Variants in EPRS1 observed in about 807,000 individuals in gnomAD.
EPRS1 encodes the protein bifunctional glutamate/proline--tRNA ligase.
Under a neutral mutation model 188.3 loss-of-function variants are expected in EPRS1, and 107 were observed. The observed-to-expected ratio is 0.57, with a 90% confidence interval of 0.49 to 0.67. The LOEUF is 0.67. Ranked by LOEUF, EPRS1 falls within the 30% of genes least tolerant of loss-of-function variation. The pLI, the probability that EPRS1 is intolerant of heterozygous loss-of-function variation, is 0.00. For missense variants in EPRS1, 1,577 were observed against 1,802.2 expected, an observed-to-expected ratio of 0.88 and a Z score of 2.26; for synonymous variants, 596 against 593.1, an observed-to-expected ratio of 1.00 and a Z score of -0.07.
At position 219,978,552 on chromosome 1, in the gene EPRS1, C is replaced by T. The variant is rs148984960; in HGVS notation, c.4077G>A (p.Glu1359=). ...YSPGWKFNHW[E]LKGVPIRLEV... is the part of the protein sequence containing the mutation. ...ATAAAGCTTAGGAATTTACCTTGAGCTCCCAGTGATTGAATTTCCAACCTG... is the reference window on the plus strand; with the variant it reads ...ATAAAGCTTAGGAATTTACCTTGAGTTCCCAGTGATTGAATTTCCAACCTG... Residue 1359 remains glutamate, a synonymous_variant, in exon 28 of 32, where the codon GAG becomes GAA. Transcript: ENST00000366923. 248 of 1,567,664 alleles carry T rather than the reference C, an allele frequency of 1.6e-4. 1 individual carries two copies. The African/African-American group carries it at 3.3e-3, about 21-fold the overall frequency.
chr1:220,006,605 T>C (rs748774901), intron 14 of EPRS1, among the ~76,000 whole-genome samples: 23 of 152,136 alleles, frequency 1.5e-4, no homozygotes, highest in Admixed American at 5.2e-4. Flanking sequence ...TATATATTTA[T>C]TAACTTAAAG....
intron 28 of EPRS1, among the ~76,000 whole-genome samples, chr1:219,974,938 G>A (rs1660746990): frequency 6.6e-6 from 1 of 152,134 alleles, no homozygotes; most frequent in Non-Finnish European, 1.5e-5. Context: ...TCCTCAGCTG[G>A]AAGAGAGAAG....
At position 219,983,231 on chromosome 1, in the gene EPRS1, T is replaced by C. The variant is rs372621031; in HGVS notation, c.3258A>G (p.Ala1086=). The part of the protein sequence containing the change: ...CYFPMFVSQS[A]LEKEKTHVAD... ...CAACATGAGTCTTCTCTTTCTCTAA[T>C]GCACTTTGAGACACAAACATGGGGA... Residue 1086 remains alanine, a synonymous_variant, in exon 22 of 32, where the codon GCA becomes GCG. Transcript: ENST00000366923. 9.9e-6 allele frequency: 16 copies of C among 1,614,008 alleles called. No homozygotes were observed. The highest frequency in any genetic ancestry group is 1.7e-5 in the Admixed American group (1 of 60,008).
rs756730365 is a variant in EPRS1, at chr1:220,030,475, A to C, written c.534T>G (p.Pro178=). The change falls in exon 6 of 32, where the codon CCT becomes CCG. Residue 178 remains proline (P), a synonymous_variant. Coordinates refer to ENST00000366923, the MANE Select transcript of EPRS1 (RefSeq NM_004446.3). The part of the protein sequence containing the change: ...DVSTTKARVA[P]EKKQDVGKFV... ...ATTTCCCAACATCTTGCTTTTTCTC[A>C]GGTGCCTGAAAAACACAACCACCAT... is the stretch of plus-strand genomic sequence containing the variant. 5.4e-5 allele frequency: 87 copies of C among 1,613,370 alleles called. No individual in the cohort carries two copies. Among genetic ancestry groups the C allele is most frequent in the South Asian group, 1.4e-4 (13 of 91,056 alleles).
Position 220,046,468 on chromosome 1 carries a change from T to A in EPRS1, c.-80A>T, listed in dbSNP as rs1662405624. The A allele has an allele frequency of 1.9e-6, 3 of 1,577,904 alleles. No homozygotes were observed. Among genetic ancestry groups the A allele is most frequent in the Non-Finnish European group, 2.6e-6 (3 of 1,163,444 alleles). ...GGAGGACCCCGCGAAAGGAAGAAGA[T>A]GCAACGTGTGCGCGTACCCGACGCC... On this transcript the variant is annotated 5_prime_UTR_variant, in exon 1 of 32. Coordinates refer to ENST00000366923, the MANE Select transcript of EPRS1 (RefSeq NM_004446.3).
intron 16 of EPRS1, 90 bp from the exon 17 acceptor site, chr1:220,001,345 C>A: frequency 1.3e-6 from 1 of 778,010 alleles, no homozygotes; most frequent in Non-Finnish European, 2.3e-6. Context: ...AATTCAATGG[C>A]ACTAAGTTAA....
intron 12 of EPRS1, among the ~76,000 whole-genome samples, chr1:220,016,577 ATTTTTTTTTTT>A (rs57664248): frequency 1.4e-5 from 1 of 69,606 alleles, no homozygotes; most frequent in African/African-American, 5.6e-5. Flanking sequence ...GGCCTAGCTA[ATTTTTTTTTTT>A]TTTTTTTTTT....
intron 21 of EPRS1, among the ~76,000 whole-genome samples, chr1:219,983,893 CAAA>C (rs397863625): frequency 4.2e-5 from 5 of 118,218 alleles, no homozygotes; most frequent in Admixed American, 2.6e-4. Context: ...ACTCCCGTCT[CAAA>C]AAAAAAAAAA....
chr1:219,969,828 A>T (rs1052336235), intron 30 of EPRS1, among the ~76,000 whole-genome samples: 22 of 150,518 alleles, frequency 1.5e-4, no homozygotes, highest in East Asian at 5.8e-4. Flanking sequence ...TTAAAAAAAA[A>T]TTTTTTTTTT....
intron 16 of EPRS1, 59 bp from the exon 17 acceptor site, chr1:220,001,314 T>C: frequency 5.3e-6 from 5 of 942,646 alleles, no homozygotes; most frequent in Non-Finnish European, 8.7e-6. Context: ...TGAACAGCAA[T>C]AAACACTGAA....
intron 1 of EPRS1, 111 bp downstream of exon 1, chr1:220,046,232 C>T: frequency 7.5e-7 from 1 of 1,335,630 alleles, no homozygotes; most frequent in East Asian, 2.4e-5. Flanking sequence ...GCAGGTCCAA[C>T]ATCCCAGATG....
rs1661989530 is a variant in EPRS1 at position 220,027,101 on chromosome 1, C to A, written c.624-1843G>T. On this transcript the variant is annotated intron_variant, in intron 6 of 31. Coordinates refer to ENST00000366923, the MANE Select transcript of EPRS1 (RefSeq NM_004446.3). ...GGTCAGGAGTTCAACACCAGCCTGG[C>A]CAACATGGTGAAACCCCGTCTCTAC... is the stretch of plus-strand genomic sequence containing the variant. Among the ~76,000 whole-genome samples, 4 of 150,522 alleles carry A rather than the reference C, an allele frequency of 2.7e-5. No individual in the cohort carries two copies. The Admixed American group carries it at 2.7e-4, about 10-fold the overall frequency.
intron 12 of EPRS1, chr1:220,018,219 A>G (rs922088304): frequency 9.7e-6 from 12 of 1,239,948 alleles, no homozygotes; most frequent in Non-Finnish European, 1.3e-5. Flanking sequence ...GTTCCCCATA[A>G]TTCCAAGTTT....
chr1:219,983,888 C>T (rs1235981480), intron 21 of EPRS1, among the ~76,000 whole-genome samples: 3 of 106,784 alleles, frequency 2.8e-5, no homozygotes, highest in East Asian at 3.1e-4. Flanking sequence ...CTGATACTCC[C>T]GTCTCAAAAA....
chr1:219,973,946 T>G (rs975927556), intron 28 of EPRS1, among the ~76,000 whole-genome samples: 2 of 150,816 alleles, frequency 1.3e-5, no homozygotes, highest in Admixed American at 6.6e-5. Context: ...TGAGAATTTG[T>G]TTTTTTTTGT....
Position 220,019,873 on chromosome 1 carries a change from T to C in EPRS1, c.1349+115A>G, listed in dbSNP as rs3820457. The C allele has an allele frequency of 7.4e-6, 5 of 677,108 alleles. No homozygotes were observed. The South Asian group carries it at 7.6e-5, about 10-fold the overall frequency. 41.9% of individuals were successfully genotyped at this position (677,108 alleles called of 1,614,324 possible). A position where few individuals can be genotyped will look rare whatever the true frequency, so the allele number is the denominator to read the frequency against. On this transcript the variant is annotated intron_variant, in intron 10 of 31. Transcript: ENST00000366923. ...AAGAAGATAAGAATCAGGAATTCTATAGGCCTACCCATTCCCCCTCCTCCC... is the reference window on the plus strand; with the variant it reads ...AAGAAGATAAGAATCAGGAATTCTACAGGCCTACCCATTCCCCCTCCTCCC...
chr1:220,008,449 T>C (rs1661539456), intron 13 of EPRS1, among the ~76,000 whole-genome samples: 1 of 151,960 alleles, frequency 6.6e-6, no homozygotes, highest in African/African-American at 2.4e-5. Context: ...TTAACCAGCA[T>C]GTGTTTAACA....
rs1435332550 is a variant in EPRS1, at chr1:219,988,642, A to C, written c.2723T>G (p.Val908Gly). ...CCGAACTACTTCCCCTTGAGAAGCT[A>C]CTTTGTCAAAAAGTACTTTCGCTTC... ...TPEAKVLFDKVASQGEVVRKL... is the reference protein window; with the variant it reads ...TPEAKVLFDKGASQGEVVRKL... Residue 908 changes from valine (V) to glycine (G), a missense_variant, in exon 19 of 32, where the codon GTA (valine) becomes GGA (glycine). By Grantham distance (109) the Val-to-Gly change is moderately radical (BLOSUM62 -3). Coordinates refer to ENST00000366923, the MANE Select transcript of EPRS1 (RefSeq NM_004446.3). The C allele has an allele frequency of 6.2e-7, 1 of 1,613,926 alleles. No individual in the cohort carries two copies. The highest frequency in any genetic ancestry group is 8.5e-7 in the Non-Finnish European group (1 of 1,179,882).
At position 220,040,170 on chromosome 1, in the gene EPRS1, G is replaced by C; in HGVS notation, c.131+15C>G. 6.5e-7 allele frequency: 1 copy of C among 1,531,690 alleles called. No homozygotes were observed. Among genetic ancestry groups the C allele is most frequent in the Non-Finnish European group, 9.0e-7 (1 of 1,116,062 alleles). 94.9% of individuals were successfully genotyped at this position (1,531,690 alleles called of 1,614,324 possible). A position where few individuals can be genotyped will look rare whatever the true frequency, so the allele number is the denominator to read the frequency against. On this transcript the variant is annotated intron_variant, in intron 2 of 31. Coordinates refer to ENST00000366923, the MANE Select transcript of EPRS1 (RefSeq NM_004446.3). ...AGCCAATCAGTACTGAAAATAAAAA[G>C]ATGAAAACACTTACTCAGAAACATG...
Sources: allele counts gnomAD v4.1 joint callset (sites outside exome capture counted in the v4.1 genomes callset), GRCh38; gene constraint gnomAD v4.1.1; transcripts MANE v1.5; gene names NCBI Gene and HGNC (gene_info 2026-07-23, HGNC 2026-07-21).